Variants in USP11 observed in about 807,000 individuals in gnomAD.
USP11 encodes ubiquitin specific peptidase 11, also known as ubiquitin carboxyl-terminal hydrolase 11.
USP11 carries 5 observed loss-of-function variants against 72.8 expected under a neutral mutation model. The observed-to-expected ratio is 0.07, with a 90% CI of 0.04 to 0.14. The LOEUF (loss-of-function observed/expected upper bound fraction) is 0.14, where lower values mean the gene tolerates loss of function less well. USP11 is among the 10% of genes least tolerant of loss of function. The probability of loss-of-function intolerance (pLI) is 1.00; values close to 1 mark genes in which losing one functional copy is unlikely to be tolerated. For synonymous variants in USP11, 368 were observed against 326.5 expected (o/e 1.13, Z -1.37); for missense variants, 480 against 794.7 (o/e 0.60, Z 4.76).
chrX:47,240,712 C>T (rs1485977733), intron 6 of USP11, 62 bp from the exon 7 acceptor site: 15 of 1,201,714 alleles, frequency 1.2e-5, no homozygotes, highest in African/African-American at 3.5e-5. Flanking sequence ...TGATTTAGCC[C>T]ATGAGCACAT....
At chrX:47,239,676 A>G (rs1602709745) in intron 3 of USP11, 114 bp from the exon 4 acceptor site, 1 of 969,746 alleles carries the variant, frequency 1.0e-6, no homozygotes, top group East Asian at 3.1e-5. Flanking sequence ...ACCATTGTAT[A>G]TGTGTGTTTG....
chrX:47,233,378 T>G, intron 1 of USP11, 159 bp downstream of exon 1: 1 of 1,079,340 alleles, frequency 9.3e-7, no homozygotes, highest in Non-Finnish European at 1.2e-6. Flanking sequence ...GGGAAGTGCC[T>G]TTGAATGAAT....
In USP11 at chrX:47,244,732, A is replaced by G; in HGVS notation, c.1894A>G (p.Ser632Gly). 8.3e-7 allele frequency: 1 copy of G among 1,209,351 alleles called. No homozygotes were observed. Among genetic ancestry groups the G allele is most frequent in the Non-Finnish European group, 1.1e-6 (1 of 894,550 alleles). The change falls in exon 15 of 21, where the codon AGC (serine) becomes GGC (glycine). Residue 632 changes from serine (S) to glycine (G), a missense_variant. By Grantham distance (56) the Ser-to-Gly change is moderately conservative (BLOSUM62 0). This residue lies in a region of USP11 where 314 missense variants were observed against 556.0 expected (regional missense o/e 0.56). Transcript: ENST00000377107. ...DDVPGPSTGG[S>G]LRDPEPEQAG... ...CGTCCCTGGGCCCTCAACTGGGGGC[A>G]GCCTCCGAGACCCTGAGCCAGAGCA...
rs1386538785 is a variant in USP11 at position 47,242,087 on chromosome X, G to A, written c.1185G>A (p.Val395=). Residue 395 remains valine, a synonymous_variant, in exon 10 of 21, where the codon GTG becomes GTA. Coordinates refer to ENST00000377107, the MANE Select transcript of USP11 (RefSeq NM_001371072.1). ...CDAAGRPDQE[V]AQEAWQNHKR... ...CACCATGACACTATCAACAGGAGGT[G>A]GCACAGGAGGCATGGCAAAACCACA... 1.7e-6 allele frequency: 2 copies of A among 1,207,741 alleles called. No homozygotes were observed. Among genetic ancestry groups the A allele is most frequent in the Non-Finnish European group, 1.1e-6 (1 of 894,104 alleles).
chrX:47,248,104 GGTC>G lies in USP11; in HGVS notation c.*177_*179del, dbSNP rs1454922368. 21 of 734,059 alleles carry G rather than the reference GGTC, an allele frequency of 2.9e-5. No homozygotes were observed. The highest frequency in any genetic ancestry group is 2.5e-5 in the Non-Finnish European group (13 of 525,168). 60.5% of individuals were successfully genotyped at this position (734,059 alleles called of 1,213,427 possible). A position where few individuals can be genotyped will look rare whatever the true frequency, so the allele number is the denominator to read the frequency against. ...CATCGCTCTCTCCCGGGAAAGAACA[GGTC>G]GTGTCTCCTCCTAGCAGTGCGCGCC... On this transcript the variant is annotated 3_prime_UTR_variant, in exon 21 of 21. Coordinates refer to ENST00000377107, the MANE Select transcript of USP11 (RefSeq NM_001371072.1).
At position 47,244,922 on chromosome X, in the gene USP11, A is replaced by G. The variant is rs2055424108; in HGVS notation, c.2084A>G (p.His695Arg). 4 of 1,209,973 alleles carry G rather than the reference A, an allele frequency of 3.3e-6. No individual in the cohort carries two copies. The highest frequency in any genetic ancestry group is 3.5e-5 in the African/African-American group (2 of 57,262). ...SDRTTSPEEVHAQPYIAIDWE... is the reference protein window; with the variant it reads ...SDRTTSPEEVRAQPYIAIDWE... Reference sequence around the variant, plus strand: ...CGCACAACCTCCCCTGAAGAAGTCCATGGTATTTCCTTTGGCTATCAGCGA... The same window carrying G: ...CGCACAACCTCCCCTGAAGAAGTCCGTGGTATTTCCTTTGGCTATCAGCGA... Residue 695 changes from histidine (H) to arginine (R), a missense_variant and splice_region_variant, in exon 15 of 21, where the codon CAT becomes CGT. By Grantham distance (29) the His-to-Arg change is conservative. Around this residue, in one of 5 missense-constraint regions of USP11, gnomAD observed 314 missense variants for 556.0 expected, o/e 0.56. Transcript: ENST00000377107.
chrX:47,233,713 AG>A (rs1161329658), intron 1 of USP11: 2 of 144,084 alleles, frequency 1.4e-5, no homozygotes, highest in East Asian at 3.3e-4. Flanking sequence ...TCCGTGGGGG[AG>A]GGGGGAGGAG....
rs2055409512 is a variant in USP11, at chrX:47,242,654, G to A, written c.1517G>A (p.Arg506His). Reference protein sequence around the residue: ...RMMVADVFSHRFYKLYQLEEP... With the variant: ...RMMVADVFSHHFYKLYQLEEP... ...ATGGTGGCTGATGTCTTCAGTCACC[G>A]CTTCTATAAGCTCTATCAGCTAGAG... Residue 506 changes from arginine to histidine, a missense_variant, in exon 12 of 21, where the codon CGC becomes CAC. Around this residue, in one of 5 missense-constraint regions of USP11, gnomAD observed 314 missense variants for 556.0 expected, o/e 0.56. Coordinates refer to ENST00000377107, the MANE Select transcript of USP11 (RefSeq NM_001371072.1). 8.3e-7 allele frequency: 1 copy of A among 1,210,879 alleles called. No individual in the cohort carries two copies. The highest frequency in any genetic ancestry group is 1.1e-6 in the Non-Finnish European group (1 of 894,662).
intron 7 of USP11, 58 bp downstream of exon 7, chrX:47,240,934 G>T (rs2055399234): frequency 1.8e-6 from 2 of 1,099,622 alleles, no homozygotes; most frequent in South Asian, 3.9e-5. Context: ...AAGAGCTGAG[G>T]ATTGGGGACA....
chrX:47,245,264 G>A (rs1017895111), intron 16 of USP11, 106 bp from the exon 17 acceptor site: 2 of 922,284 alleles, frequency 2.2e-6, no homozygotes, highest in Admixed American at 2.7e-5. Context: ...TTCAAAGTCG[G>A]TGCTCTGACC....
intron 1 of USP11, among the ~76,000 whole-genome samples, chrX:47,234,486 AAAT>A (rs1368536825): frequency 2.7e-5 from 3 of 112,152 alleles, no homozygotes; most frequent in East Asian, 2.8e-4. Context: ...TGGCTGTGAA[AAAT>A]AATATCCTTG....
chrX:47,235,607 C>T (rs1213176762), intron 1 of USP11, among the ~76,000 whole-genome samples: 1 of 109,717 alleles, frequency 9.1e-6, no homozygotes, highest in Non-Finnish European at 1.9e-5. Context: ...TCTGATTACG[C>T]ACTCCCTCCC....
Position 47,242,150 on chromosome X carries a change from C to T in USP11, c.1248C>T (p.His416=), listed in dbSNP as rs922814719. The T allele has an allele frequency of 7.4e-6, 9 of 1,211,467 alleles. No individual in the cohort carries two copies. The highest frequency in any genetic ancestry group is 2.3e-4 in the Middle Eastern group (1 of 4,344). Reference sequence around the variant, plus strand: ...ATTCTGTGATCGTGGACACTTTCCACGGCCTCTTCAAGTCCACGCTGGTGT... The same window carrying T: ...ATTCTGTGATCGTGGACACTTTCCATGGCCTCTTCAAGTCCACGCTGGTGT... ...RNDSVIVDTF[H]GLFKSTLVCP... The change falls in exon 10 of 21, where the codon CAC becomes CAT. Residue 416 remains histidine (H), a synonymous_variant. Transcript: ENST00000377107.
chrX:47,233,715 G>C (rs192911931), intron 1 of USP11: 4 of 222,402 alleles, frequency 1.8e-5, no homozygotes, highest in Admixed American at 9.1e-5. Flanking sequence ...CGTGGGGGAG[G>C]GGGGAGGAGC....
At chrX:47,244,027 A>T (rs1432229336) in intron 13 of USP11, among the ~76,000 whole-genome samples, 1 of 109,728 alleles carries the variant, frequency 9.1e-6, no homozygotes, top group Non-Finnish European at 1.9e-5. Context: ...GCTTTCCCTG[A>T]TGGGAAGTTA....
At chrX:47,233,413 GC>G in intron 1 of USP11, 194 bp downstream of exon 1, 1 of 1,078,320 alleles carries the variant, frequency 9.3e-7, no homozygotes, top group Non-Finnish European at 1.2e-6. Context: ...AAGGGGCGGG[GC>G]CTGTGTGGTG....
In USP11 at chrX:47,247,715, T is replaced by G. The variant is rs759805823; in HGVS notation, c.2625+16T>G. 1.7e-6 allele frequency: 2 copies of G among 1,209,519 alleles called. No homozygotes were observed. Among genetic ancestry groups the G allele is most frequent in the Non-Finnish European group, 2.2e-6 (2 of 893,955 alleles). ...TCAGATCGAGGTGTGACTTCCATCC[T>G]ACCTCCTCCCCTTCTTCCTTTCTGA... On this transcript the variant is annotated intron_variant, in intron 20 of 20. Transcript: ENST00000377107.
chrX:47,242,008 T>C, intron 9 of USP11, 74 bp from the exon 10 acceptor site: 1 of 1,093,430 alleles, frequency 9.1e-7, no homozygotes, highest in African/African-American at 1.8e-5. Flanking sequence ...CTTCACCCCA[T>C]TTGAATGCAC....
intron 1 of USP11, among the ~76,000 whole-genome samples, chrX:47,236,834 C>G (rs1485337972): frequency 8.9e-6 from 1 of 111,742 alleles, no homozygotes; most frequent in Admixed American, 9.5e-5. Flanking sequence ...ATTGAATACC[C>G]AGCTGTAAAT....
Sources: allele counts gnomAD v4.1 joint callset (sites outside exome capture counted in the v4.1 genomes callset), GRCh38; gene constraint gnomAD v4.1.1; regional missense constraint gnomAD v4.1.1; transcripts MANE v1.5; gene names NCBI Gene and HGNC (gene_info 2026-07-23, HGNC 2026-07-21).